The following UBA2 variants were observed in gnomAD, a reference collection of about 807,000 sequenced individuals.
UBA2 encodes the protein ubiquitin like modifier activating enzyme 2, also known as SUMO-activating enzyme subunit 2.
UBA2 carries 11 observed loss-of-function variants against 77.2 expected under a neutral mutation model. The ratio of observed to expected loss-of-function variants is 0.14; its 90% CI spans 0.09 to 0.24. UBA2 has a LOEUF of 0.24. Ranked by LOEUF, UBA2 falls within the 10% of genes least tolerant of loss-of-function variation. The probability of loss-of-function intolerance (pLI) is 1.00; values close to 1 mark genes in which losing one functional copy is unlikely to be tolerated. For missense variants in UBA2, 487 were observed against 781.7 expected (o/e 0.62, Z 4.50); for synonymous variants, 278 against 276.7 (o/e 1.00, Z -0.05).
In UBA2 at chr19:34,444,044, G is replaced by GT. The variant is rs35028159; in HGVS notation, c.649+157dup. 3.0e-3 allele frequency: 530 copies of GT among 175,664 alleles called. 8 individuals carry two copies. The highest frequency in any genetic ancestry group is 8.8e-3 in the South Asian group (127 of 14,404). 10.9% of individuals were successfully genotyped at this position (175,664 alleles called of 1,614,324 possible). The stretch of plus-strand genomic sequence containing the variant: ...TGTGTTTAACATGTGTTTTTTTTTT[G>GT]TTTTTTTTTTTTTTTTTTTTTTTTG... On this transcript the variant is annotated intron_variant, in intron 7 of 16. Transcript: ENST00000246548.
At chr19:34,441,940 A>AT (rs2075374620) in intron 6 of UBA2, among the ~76,000 whole-genome samples, 6 of 151,784 alleles carry the variant, frequency 4.0e-5, no homozygotes, top group Admixed American at 3.3e-4. Flanking sequence ...CAAAAAAAAA[A>AT]AAAAGATAAT....
chr19:34,463,819 GC>G (rs141373058), intron 14 of UBA2, among the ~76,000 whole-genome samples: 17,560 of 151,984 alleles, frequency 0.12, 1,506 homozygotes, highest in African/African-American at 0.24. Context: ...CACCCTACTT[GC>G]CCCATTTAAA....
rs575214488 is a variant in UBA2 at position 34,447,382 on chromosome 19, A to G, written c.771+2261A>G. Among the ~76,000 whole-genome samples, 4 of 152,308 alleles carry G rather than the reference A, an allele frequency of 2.6e-5. No individual in the cohort carries two copies. The South Asian group carries it at 6.2e-4, about 24-fold the overall frequency. ...CCAGTACTTTGCATCTTTCAATCCA[A>G]TCAAGTTGACACTCAGTATTAAGCA... On this transcript the variant is annotated intron_variant, in intron 8 of 16. Transcript: ENST00000246548.
At chr19:34,451,798 G>C (rs1201654078) in intron 9 of UBA2, among the ~76,000 whole-genome samples, 183 bp from the exon 10 acceptor site, 1 of 151,758 alleles carries the variant, frequency 6.6e-6, no homozygotes. Context: ...CGTCTGCCTC[G>C]GCCTCCCAAA....
At chr19:34,441,146 TC>T (rs1024452381) in intron 6 of UBA2, among the ~76,000 whole-genome samples, 1 of 152,088 alleles carries the variant, frequency 6.6e-6, no homozygotes, top group African/African-American at 2.4e-5. Context: ...GATGAAAGTT[TC>T]TACTAAAACA....
intron 8 of UBA2, among the ~76,000 whole-genome samples, chr19:34,449,065 C>CTTTTTT (rs11332668): frequency 8.1e-5 from 6 of 73,832 alleles, no homozygotes; most frequent in Non-Finnish European, 9.7e-5. Context: ...AAATATAAAT[C>CTTTTTT]TTTTTTTTTT....
intron 10 of UBA2, 28 bp from the exon 11 acceptor site, chr19:34,454,232 C>T: frequency 6.4e-7 from 1 of 1,564,296 alleles, no homozygotes; most frequent in Non-Finnish European, 8.7e-7. Context: ...TGTGGAGAAA[C>T]TTGTTAAATT....
rs1375031371 is a variant in UBA2, at chr19:34,430,572, G to A, written c.139-4G>A. On this transcript the variant is annotated splice_region_variant and splice_polypyrimidine_tract_variant and intron_variant, in intron 1 of 16. Coordinates refer to ENST00000246548, the MANE Select transcript of UBA2 (RefSeq NM_005499.3). ...TCATTTATCTGGGGTTTATGCATTT[G>A]TAGATTGATCTGGATACTATTGATG... The A allele has an allele frequency of 6.2e-7, 1 of 1,609,828 alleles. No individual in the cohort carries two copies. Among genetic ancestry groups the A allele is most frequent in the Non-Finnish European group, 8.5e-7 (1 of 1,176,876 alleles).
In UBA2 at chr19:34,470,982, T is replaced by G. The variant is rs1294027458; in HGVS notation, c.*1761T>G. On this transcript the variant is annotated 3_prime_UTR_variant, in exon 17 of 17. Coordinates refer to ENST00000246548, the MANE Select transcript of UBA2 (RefSeq NM_005499.3). ...TGTTTGTCTGGGTTGTCCCCTAGTT[T>G]ACCAAAGTCCATTTTGAATGTACCA... is the stretch of plus-strand genomic sequence containing the variant. 1 of 152,192 alleles carries G rather than the reference T, an allele frequency of 6.6e-6. No homozygotes were observed. The highest frequency in any genetic ancestry group is 1.5e-5 in the Non-Finnish European group (1 of 68,050). 9.4% of individuals were successfully genotyped at this position (152,192 alleles called of 1,614,324 possible).
chr19:34,439,062 G>A (rs1232358816), intron 6 of UBA2, among the ~76,000 whole-genome samples: 1 of 152,100 alleles, frequency 6.6e-6, no homozygotes, highest in Non-Finnish European at 1.5e-5. Flanking sequence ...ACAAAAATTA[G>A]TTGGCCGTGA....
chr19:34,463,120 T>C (rs942806122), intron 14 of UBA2, among the ~76,000 whole-genome samples: 3 of 149,482 alleles, frequency 2.0e-5, no homozygotes, highest in Non-Finnish European at 4.5e-5. Context: ...AGAAAGAAAA[T>C]TAGTTAGGCA....
chr19:34,454,815 A>C (rs1021600328), intron 12 of UBA2, among the ~76,000 whole-genome samples: 1 of 152,196 alleles, frequency 6.6e-6, no homozygotes, highest in Admixed American at 6.5e-5. Flanking sequence ...TGCGGTCCTT[A>C]TACTAAGAAG....
At chr19:34,450,740 A>ATT (rs2075484424) in intron 9 of UBA2, among the ~76,000 whole-genome samples, 5 of 123,548 alleles carry the variant, frequency 4.0e-5, no homozygotes, top group African/African-American at 6.4e-5. Flanking sequence ...ATTTATGTAT[A>ATT]TCTTTTTTTT....
At chr19:34,457,271 G>T (rs1045345095) in intron 12 of UBA2, among the ~76,000 whole-genome samples, 2 of 145,412 alleles carry the variant, frequency 1.4e-5, no homozygotes, top group East Asian at 2.0e-4. Context: ...GGAGGCTGAG[G>T]CAGGAGAATC....
chr19:34,442,280 C>A lies in UBA2; in HGVS notation c.582-1564C>A, dbSNP rs1002173462. On this transcript the variant is annotated intron_variant, in intron 6 of 16. Transcript: ENST00000246548. ...CAAAATTAATATGAGCAGCATTTTTCACTCGAAGGGAAACCTAAATAAGCA... is the reference window on the plus strand; with the variant it reads ...CAAAATTAATATGAGCAGCATTTTTAACTCGAAGGGAAACCTAAATAAGCA... 7.2e-5 allele frequency among the ~76,000 whole-genome samples: 11 copies of A among 152,126 alleles called. 1 individual carries two copies. Among genetic ancestry groups the A allele is most frequent in the Admixed American group, 7.2e-4 (11 of 15,250 alleles).
At chr19:34,459,620 T>C (rs577707658) in intron 13 of UBA2, among the ~76,000 whole-genome samples, 1 of 152,258 alleles carries the variant, frequency 6.6e-6, no homozygotes, top group South Asian at 2.1e-4. Flanking sequence ...CCTGTTAAAT[T>C]GGCTAGATTT....
intron 12 of UBA2, among the ~76,000 whole-genome samples, chr19:34,455,931 A>T (rs2075553397): frequency 6.7e-6 from 1 of 149,550 alleles, no homozygotes; most frequent in Admixed American, 6.7e-5. Flanking sequence ...TACAGGCATG[A>T]GCCACTGCGC....
In UBA2 at chr19:34,451,942, A is replaced by C. The variant is rs1452527329; in HGVS notation, c.872-39A>C. ...CAGAGCACAGTAGAGGAATGATGTT[A>C]ATTAGTGAAATTTCTAATATATATA... On this transcript the variant is annotated intron_variant, in intron 9 of 16. Transcript: ENST00000246548. 3.3e-6 allele frequency: 4 copies of C among 1,227,520 alleles called. No individual in the cohort carries two copies. The South Asian group carries it at 6.4e-5, about 20-fold the overall frequency. 76.0% of individuals were successfully genotyped at this position (1,227,520 alleles called of 1,614,324 possible).
intron 12 of UBA2, among the ~76,000 whole-genome samples, chr19:34,456,977 A>G (rs1225755721): frequency 6.6e-6 from 1 of 151,170 alleles, no homozygotes; most frequent in Non-Finnish European, 1.5e-5. Flanking sequence ...GTTATTTCCC[A>G]TCACATCCTT....
Sources: gnomAD v4.1 joint callset for allele counts (sites outside exome capture counted in the v4.1 genomes callset) on GRCh38, gnomAD v4.1.1 for gene constraint, MANE v1.5 for transcripts, NCBI Gene and HGNC (gene_info 2026-07-23, HGNC 2026-07-21) for gene names.